ZNF808: variants seen among roughly 807,000 people sequenced by gnomAD.
ZNF808 encodes zinc finger protein 808.
ZNF808 carries 5 observed loss-of-function variants against 8.7 expected under a neutral mutation model. The ratio of observed to expected loss-of-function variants is 0.58; its 90% CI spans 0.30 to 1.21. The LOEUF (loss-of-function observed/expected upper bound fraction) is 1.21. Among genes scored for constraint, ZNF808 ranks in the 50% most tolerant of loss-of-function variants. The probability of loss-of-function intolerance (pLI) is 0.07; values close to 1 mark genes in which losing one functional copy is unlikely to be tolerated. For missense variants in ZNF808, 1,103 were observed against 1,098.4 expected (o/e 1.00, Z -0.06); for synonymous variants, 380 against 366.0 (o/e 1.04, Z -0.44).
At chr19:52,545,347 G>A (rs2059710755) in intron 3 of ZNF808, among the ~76,000 whole-genome samples, 1 of 152,198 alleles carries the variant, frequency 6.6e-6, no homozygotes, top group African/African-American at 2.4e-5. Context: ...ATGATGTGAT[G>A]TGTGTGCATG....
At chr19:52,534,210 T>A (rs2059585279) in intron 2 of ZNF808, among the ~76,000 whole-genome samples, 1 of 152,140 alleles carries the variant, frequency 6.6e-6, no homozygotes, top group Non-Finnish European at 1.5e-5. Flanking sequence ...AGCTAATTTT[T>A]GTATTAGGCT....
At chr19:52,563,436 A>G (rs2059864107) in exon 4 of ZNF808, 1 of 152,174 alleles carries the variant, frequency 6.6e-6, no homozygotes, top group Non-Finnish European at 1.5e-5. Flanking sequence ...TGGAGTCTGC[A>G]GTGGGAGGAT....
chr19:52,530,357 A>G (rs12983621), intron 1 of ZNF808, among the ~76,000 whole-genome samples: 1 of 151,730 alleles, frequency 6.6e-6, no homozygotes, highest in Non-Finnish European at 1.5e-5. Context: ...ACCACTCTCA[A>G]CCCATAGTAG....
At chr19:52,566,187 C>T (rs577861923), downstream of ZNF808, among the ~76,000 whole-genome samples, 45 of 151,836 alleles carry the variant, frequency 3.0e-4, no homozygotes, top group East Asian at 5.8e-4. Flanking sequence ...TTTTTTGAGA[C>T]GGAGTTTCAA....
chr19:52,560,791 C>T (rs929500579), downstream of ZNF808, among the ~76,000 whole-genome samples: 5 of 152,180 alleles, frequency 3.3e-5, no homozygotes, highest in Non-Finnish European at 7.3e-5. Flanking sequence ...GATGTGCATG[C>T]ACAAAGTTCA....
chr19:52,538,173 A>G (rs1297352313), intron 2 of ZNF808, among the ~76,000 whole-genome samples: 6 of 150,614 alleles, frequency 4.0e-5, no homozygotes, highest in Non-Finnish European at 7.4e-5. Context: ...AAGCCCAGCT[A>G]GTAGTTTTTT....
At chr19:52,558,764 C>T (rs887952254), downstream of ZNF808, among the ~76,000 whole-genome samples, 2 of 152,228 alleles carry the variant, frequency 1.3e-5, no homozygotes, top group Admixed American at 6.5e-5. Context: ...TAAGAGACTA[C>T]ATTTTGTTCT....
rs142331787 is a variant in ZNF808 at position 52,545,172 on chromosome 19, T to C, written c.63+1825T>C. Among the ~76,000 whole-genome samples the C allele has an allele frequency of 5.7e-3, 873 of 152,262 alleles. 10 individuals carry two copies. The highest frequency in any genetic ancestry group is 0.02 in the African/African-American group (836 of 41,522). ...ATGCTTTATTACATCATTGATTTTATTTTATTTTTAAATTTGTTTTGAGTT... is the reference window on the plus strand; with the variant it reads ...ATGCTTTATTACATCATTGATTTTACTTTATTTTTAAATTTGTTTTGAGTT... On this transcript the variant is annotated intron_variant, in intron 3 of 4. Transcript: ENST00000359798.
intron 2 of ZNF808, among the ~76,000 whole-genome samples, chr19:52,539,631 G>T (rs772882528): frequency 8.0e-6 from 1 of 125,338 alleles, no homozygotes; most frequent in Non-Finnish European, 1.5e-5. Flanking sequence ...CTTGCTCACT[G>T]CAACCTTTGC....
intron 2 of ZNF808, among the ~76,000 whole-genome samples, 163 bp from the exon 3 acceptor site, chr19:52,543,103 T>G (rs1400081256): frequency 6.6e-6 from 1 of 152,058 alleles, no homozygotes; most frequent in Non-Finnish European, 1.5e-5. Flanking sequence ...AACATACACT[T>G]GTAGGTCTTC....
At chr19:52,530,750 A>G (rs1013525917) in intron 1 of ZNF808, among the ~76,000 whole-genome samples, 2 of 152,048 alleles carry the variant, frequency 1.3e-5, no homozygotes, top group African/African-American at 4.8e-5. Flanking sequence ...TTGGGAGCAA[A>G]TCACTGAAGG....
In ZNF808 at chr19:52,553,579, A is replaced by G. The variant is rs780202973; in HGVS notation, c.663A>G (p.Lys221=). Residue 221 remains lysine (K), a synonymous_variant, in exon 5 of 5, where the codon AAA becomes AAG. Coordinates refer to ENST00000359798, the MANE Select transcript of ZNF808 (RefSeq NM_001039886.4). ...NPLNSSLLPQ[K]QEVHMREKSF... is the part of the protein sequence containing the mutation. ...TGAATTCTTCATTACTCCCACAAAAACAGGAAGTACACATGAGAGAAAAAT... is the reference window on the plus strand; with the variant it reads ...TGAATTCTTCATTACTCCCACAAAAGCAGGAAGTACACATGAGAGAAAAAT... The G allele has an allele frequency of 1.6e-5, 26 of 1,614,034 alleles. No homozygotes were observed. The highest frequency in any genetic ancestry group is 1.6e-4 in the Middle Eastern group (1 of 6,084).
At chr19:52,533,596 C>T (rs2059578993) in intron 2 of ZNF808, among the ~76,000 whole-genome samples, 2 of 151,734 alleles carry the variant, frequency 1.3e-5, no homozygotes, top group Admixed American at 1.3e-4. Flanking sequence ...GTGGCTCACG[C>T]CTGTAATCCC....
intron 3 of ZNF808, among the ~76,000 whole-genome samples, chr19:52,563,102 T>C (rs2123229847): frequency 6.6e-6 from 1 of 152,254 alleles, no homozygotes; most frequent in Admixed American, 6.5e-5. Flanking sequence ...CTTATAATGC[T>C]GTGTATTTAC....
chr19:52,539,284 C>T (rs2059645689), intron 2 of ZNF808, among the ~76,000 whole-genome samples: 1 of 149,926 alleles, frequency 6.7e-6, no homozygotes, highest in South Asian at 2.1e-4. Context: ...ACCTCTGCCT[C>T]CTGGGTTCAA....
At chr19:52,530,462 GA>G (rs1322001085) in intron 1 of ZNF808, among the ~76,000 whole-genome samples, 1 of 151,840 alleles carries the variant, frequency 6.6e-6, no homozygotes, top group Non-Finnish European at 1.5e-5. Context: ...AGGAGTTCAA[GA>G]CCAGCCTGGC....
chr19:52,538,882 A>T (rs1358151500), intron 2 of ZNF808, among the ~76,000 whole-genome samples: 1 of 152,130 alleles, frequency 6.6e-6, no homozygotes, highest in African/African-American at 2.4e-5. Context: ...AAATTAGTTT[A>T]AATTATACAG....
At chr19:52,548,151 T>A (rs1265884407) in intron 4 of ZNF808, among the ~76,000 whole-genome samples, 4 of 152,230 alleles carry the variant, frequency 2.6e-5, no homozygotes, top group East Asian at 3.9e-4. Context: ...GTGTTGCAAT[T>A]CCTCCCAGCG....
At chr19:52,533,581 G>A (rs954008635) in intron 2 of ZNF808, among the ~76,000 whole-genome samples, 1 of 151,296 alleles carries the variant, frequency 6.6e-6, no homozygotes, top group Non-Finnish European at 1.5e-5. Flanking sequence ...CAACAGCCAC[G>A]CGCAGTGGCT....
Sources: allele counts gnomAD v4.1 joint callset (sites outside exome capture counted in the v4.1 genomes callset), GRCh38; gene constraint gnomAD v4.1.1; transcripts MANE v1.5; gene names NCBI Gene and HGNC (gene_info 2026-07-23, HGNC 2026-07-21).